Variants in DAB1 observed in about 807,000 individuals in gnomAD.
DAB1 encodes DAB adaptor protein 1, also known as disabled homolog 1.
A neutral mutation model predicts 64.6 loss-of-function variants in DAB1; 15 were observed. That is an observed-to-expected ratio of 0.23 (90% CI 0.16 to 0.36). The LOEUF is 0.36. Among genes scored for constraint, DAB1 ranks in the 10% least tolerant of loss-of-function variants. The pLI is 1.00. For synonymous variants in DAB1, 235 were observed against 251.9 expected, an observed-to-expected ratio of 0.93 and a Z score of 0.64; for missense variants, 596 against 706.7, an observed-to-expected ratio of 0.84 and a Z score of 1.78.
At chr1:58,448,980 AG>A (rs1462389902) in intron 3 of DAB1, among the ~76,000 whole-genome samples, 1 of 152,240 alleles carries the variant, frequency 6.6e-6, no homozygotes, top group Non-Finnish European at 1.5e-5. Flanking sequence ...ATAATCATTG[AG>A]GTAGAAAAAA....
chr1:57,316,688 A>G (rs1675239193), intron 1 of DAB1, among the ~76,000 whole-genome samples: 1 of 152,242 alleles, frequency 6.6e-6, no homozygotes, highest in Admixed American at 6.5e-5. Flanking sequence ...TGGCCAAAGT[A>G]AAGTTGTTCA....
At chr1:57,737,240 G>T (rs1044637297) in intron 6 of DAB1, among the ~76,000 whole-genome samples, 3 of 152,164 alleles carry the variant, frequency 2.0e-5, no homozygotes, top group African/African-American at 7.2e-5. Context: ...AAAGACAATG[G>T]TGCTTGTTGA....
chr1:57,747,672 G>T (rs1264577845), intron 6 of DAB1, among the ~76,000 whole-genome samples: 2 of 151,788 alleles, frequency 1.3e-5, no homozygotes, highest in Admixed American at 1.3e-4. Context: ...AGCCGGGATT[G>T]GTGGAAGGGG....
intron 1 of DAB1, among the ~76,000 whole-genome samples, chr1:57,830,584 G>GAA (rs749641794): frequency 2.0e-5 from 3 of 151,880 alleles, no homozygotes; most frequent in Admixed American, 1.3e-4. Flanking sequence ...CCTTACACAT[G>GAA]AAAAATATAT....
chr1:57,098,244 A>G (rs1570687298), intron 4 of DAB1, among the ~76,000 whole-genome samples: 1 of 152,346 alleles, frequency 6.6e-6, no homozygotes, highest in Non-Finnish European at 1.5e-5. Flanking sequence ...ACCTTTATTT[A>G]CTGTCTACTT....
intron 3 of DAB1, among the ~76,000 whole-genome samples, chr1:58,383,038 C>T (rs12041543): frequency 0.094 from 14,300 of 152,158 alleles, 784 homozygotes; most frequent in East Asian, 0.22. Context: ...ACAAGGGACA[C>T]GTAGCAAAGA....
At chr1:57,058,147 C>G (rs1052515337) in intron 9 of DAB1, among the ~76,000 whole-genome samples, 1 of 152,018 alleles carries the variant, frequency 6.6e-6, no homozygotes, top group Non-Finnish European at 1.5e-5. Context: ...AATGCAGGTG[C>G]GTGAGTGTGT....
intron 7 of DAB1, among the ~76,000 whole-genome samples, chr1:57,623,293 G>C (rs1295471546): frequency 6.6e-6 from 1 of 152,116 alleles, no homozygotes; most frequent in Non-Finnish European, 1.5e-5. Flanking sequence ...ATACGCCCCT[G>C]TCTCTTCTTC....
At chr1:57,477,692 T>C (rs954892053) in intron 7 of DAB1, among the ~76,000 whole-genome samples, 4 of 152,176 alleles carry the variant, frequency 2.6e-5, no homozygotes, top group African/African-American at 9.7e-5. Flanking sequence ...GAAATCACTG[T>C]AGAATTCTGA....
chr1:57,948,401 T>G (rs1645215432), intron 5 of DAB1, among the ~76,000 whole-genome samples: 4 of 152,230 alleles, frequency 2.6e-5, no homozygotes, highest in African/African-American at 9.6e-5. Flanking sequence ...TGTGTGTTGC[T>G]TGTGTAATCA....
intron 2 of DAB1, among the ~76,000 whole-genome samples, chr1:57,265,198 A>C (rs1448605531): frequency 6.6e-6 from 1 of 152,170 alleles, no homozygotes; most frequent in African/African-American, 2.4e-5. Context: ...TTCTCAAAGC[A>C]TCTCATTCAC....
intron 2 of DAB1, among the ~76,000 whole-genome samples, chr1:58,516,791 T>C (rs568542813): frequency 1.3e-5 from 2 of 152,254 alleles, no homozygotes; most frequent in African/African-American, 4.8e-5. Flanking sequence ...CTCACAAGAT[T>C]GACATAAAAT....
chr1:57,966,489 C>T (rs755812116), intron 5 of DAB1, among the ~76,000 whole-genome samples: 1 of 152,132 alleles, frequency 6.6e-6, no homozygotes, highest in South Asian at 2.1e-4. Flanking sequence ...GTGAAACTAT[C>T]GTTGGACTTT....
At chr1:57,295,284 C>G (rs79482323) in intron 1 of DAB1, among the ~76,000 whole-genome samples, 3,782 of 152,260 alleles carry the variant, frequency 0.025, 155 homozygotes, top group African/African-American at 0.087. Flanking sequence ...TGTGATAACA[C>G]TAACGCCACT....
In DAB1 at chr1:57,112,554, G is replaced by C. The variant is rs145617273; in HGVS notation, c.306+23989C>G. Among the ~76,000 whole-genome samples the C allele has an allele frequency of 6.2e-3, 944 of 152,134 alleles. 5 individuals are homozygous for C. Among genetic ancestry groups the C allele is most frequent in the Non-Finnish European group, 9.0e-3 (610 of 67,964 alleles). On this transcript the variant is annotated intron_variant, in intron 4 of 14. Transcript: ENST00000371236. ...AGCTGAAAATGTCTCTTTCAACTAG[G>C]AGGCCAATGTGTTTTTCTCCAGTTT...
intron 2 of DAB1, among the ~76,000 whole-genome samples, chr1:57,218,935 G>C (rs1014462195): frequency 1.3e-5 from 2 of 152,080 alleles, no homozygotes; most frequent in Non-Finnish European, 2.9e-5. Flanking sequence ...ATCCTGCTCT[G>C]GTCTGGAATT....
rs75721080 is a variant in DAB1, at chr1:57,248,165, T to C, written c.67+42799A>G. Among the ~76,000 whole-genome samples, 160 of 152,334 alleles carry C rather than the reference T, an allele frequency of 1.1e-3. 1 individual carries two copies. Among genetic ancestry groups the C allele is most frequent in the African/African-American group, 3.8e-3 (156 of 41,578 alleles). ...ATCATCTCTAGATCACTTATAACAA[T>C]GAATATGACATAAATTCTATGTAAA... On this transcript the variant is annotated intron_variant, in intron 2 of 14. Coordinates refer to ENST00000371236, the MANE Select transcript of DAB1 (RefSeq NM_001365792.1).
intron 4 of DAB1, among the ~76,000 whole-genome samples, chr1:57,074,457 C>T (rs1651799667): frequency 6.6e-6 from 1 of 152,180 alleles, no homozygotes; most frequent in African/African-American, 2.4e-5. Flanking sequence ...AAACCAGCCT[C>T]CTGGCACAGT....
chr1:57,740,109 G>A (rs1366383440), intron 6 of DAB1, among the ~76,000 whole-genome samples: 1 of 151,054 alleles, frequency 6.6e-6, no homozygotes, highest in Non-Finnish European at 1.5e-5. Context: ...AGCTACTCAG[G>A]AGGCTGAGGC....
Sources: allele counts gnomAD v4.1 joint callset (sites outside exome capture counted in the v4.1 genomes callset), GRCh38; gene constraint gnomAD v4.1.1; transcripts MANE v1.5; gene names NCBI Gene and HGNC (gene_info 2026-07-23, HGNC 2026-07-21).